Variants in SFMBT2 observed in about 807,000 individuals in gnomAD.
The protein encoded by SFMBT2 is Scm like with four mbt domains 2, also known as scm-like with four MBT domains protein 2.
Under a neutral mutation model 110.1 loss-of-function variants are expected in SFMBT2, and 38 were observed. The observed-to-expected ratio is 0.35, with a 90% confidence interval of 0.27 to 0.45. The LOEUF is 0.45. SFMBT2 is among the 20% of genes least tolerant of loss of function. The probability of loss-of-function intolerance (pLI) is 1.00; values close to 1 mark genes in which losing one functional copy is unlikely to be tolerated. For synonymous variants in SFMBT2, 425 were observed against 425.4 expected (o/e 1.00, Z 0.01); for missense variants, 1,011 against 1,094.9 (o/e 0.92, Z 1.08).
At chr10:7,213,545 C>T (rs755461554) in intron 11 of SFMBT2, among the ~76,000 whole-genome samples, 2 of 152,298 alleles carry the variant, frequency 1.3e-5, no homozygotes, top group East Asian at 1.9e-4. Flanking sequence ...GGGTGAATAA[C>T]GGCATCATTC....
In SFMBT2 at chr10:7,360,193, C is replaced by T. The variant is rs1039681124; in HGVS notation, c.436+7456G>A. 3.3e-5 allele frequency among the ~76,000 whole-genome samples: 5 copies of T among 152,114 alleles called. No individual in the cohort carries two copies. The East Asian group carries it at 9.6e-4, about 29-fold the overall frequency. ...ACCAAAGAGAGTGTGTGGGGCCAGG[C>T]ACACTGGCTCACGCCTGTAACCCCA... On this transcript the variant is annotated intron_variant, in intron 4 of 20. Coordinates refer to ENST00000397167, the MANE Select transcript of SFMBT2 (RefSeq NM_001387889.1).
chr10:7,392,320 G>C (rs1351479444), intron 1 of SFMBT2, among the ~76,000 whole-genome samples: 1 of 152,162 alleles, frequency 6.6e-6, no homozygotes, highest in Non-Finnish European at 1.5e-5. Flanking sequence ...TTCAAGACCA[G>C]CCTGGGCAAC....
intron 1 of SFMBT2, among the ~76,000 whole-genome samples, chr10:7,392,778 T>A (rs932697519): frequency 2.0e-5 from 3 of 151,694 alleles, no homozygotes; most frequent in Non-Finnish European, 4.4e-5. Flanking sequence ...TTGTAAAAGG[T>A]CTTCCCCTAC....
chr10:7,364,320 T>C (rs1844822519), intron 4 of SFMBT2, among the ~76,000 whole-genome samples: 1 of 152,242 alleles, frequency 6.6e-6, no homozygotes. Flanking sequence ...CCATCACATT[T>C]ATGGTTTCCC....
chr10:7,363,975 G>A (rs1030520715), intron 4 of SFMBT2, among the ~76,000 whole-genome samples: 2 of 151,940 alleles, frequency 1.3e-5, no homozygotes, highest in East Asian at 1.9e-4. Context: ...AGCAAAGATC[G>A]ACCAGGTATG....
At chr10:7,356,186 G>C (rs1381439184) in intron 4 of SFMBT2, among the ~76,000 whole-genome samples, 1 of 152,180 alleles carries the variant, frequency 6.6e-6, no homozygotes, top group Non-Finnish European at 1.5e-5. Context: ...ACACATGGTT[G>C]TCTGTGCATG....
At chr10:7,197,468 T>A in intron 15 of SFMBT2, 80 bp downstream of exon 15, 1 of 1,554,576 alleles carries the variant, frequency 6.4e-7, no homozygotes, top group Non-Finnish European at 8.7e-7. Context: ...CAATGCCTAT[T>A]CCCTCCTTCA....
chr10:7,343,181 A>G (rs1362179779), intron 4 of SFMBT2, among the ~76,000 whole-genome samples: 1 of 150,960 alleles, frequency 6.6e-6, no homozygotes, highest in Non-Finnish European at 1.5e-5. Flanking sequence ...GATGGCCTCC[A>G]GGGACATACA....
chr10:7,389,239 G>A (rs1845704478), intron 1 of SFMBT2, among the ~76,000 whole-genome samples: 1 of 152,022 alleles, frequency 6.6e-6, no homozygotes, highest in Non-Finnish European at 1.5e-5. Context: ...GATGTTTTTG[G>A]GGGGTTAGAG....
chr10:7,170,933 C>T lies in SFMBT2; in HGVS notation c.2539G>A (p.Glu847Lys). Reference protein sequence around the residue: ...DCAPLAKIFQEQDIDGQALLL... With the variant: ...DCAPLAKIFQKQDIDGQALLL... ...ACACGCGGCAACCACCGTACCTGCT[C>T]CTGAAATATCTTGGCCAAGGGGGCA... The change falls in exon 20 of 21, where the codon GAG (glutamate) becomes AAG (lysine). Residue 847 changes from glutamate to lysine, a missense_variant. Transcript: ENST00000397167. This position sits in a 1 kb window ranked among gnomAD's most constrained non-coding sequence, Gnocchi z 4.6. 6.2e-7 allele frequency: 1 copy of T among 1,614,208 alleles called. No individual in the cohort carries two copies. The highest frequency in any genetic ancestry group is 8.5e-7 in the Non-Finnish European group (1 of 1,180,024).
chr10:7,341,824 G>A (rs1843913862), intron 4 of SFMBT2, among the ~76,000 whole-genome samples: 1 of 152,182 alleles, frequency 6.6e-6, no homozygotes, highest in Admixed American at 6.5e-5. Flanking sequence ...CTGAAGTCGG[G>A]TAACGAGCAT....
intron 4 of SFMBT2, among the ~76,000 whole-genome samples, chr10:7,329,841 A>G (rs1843512291): frequency 6.6e-6 from 1 of 152,170 alleles, no homozygotes; most frequent in Non-Finnish European, 1.5e-5. Flanking sequence ...TCAGCCTTGG[A>G]AGTCACCCGA....
chr10:7,247,094 T>C (rs1840641236), intron 8 of SFMBT2, among the ~76,000 whole-genome samples: 1 of 152,174 alleles, frequency 6.6e-6, no homozygotes, highest in South Asian at 2.1e-4. Flanking sequence ...ACCTTAAATA[T>C]TTAAAGTTTC....
chr10:7,231,070 ACT>A (rs1291426907), intron 9 of SFMBT2, among the ~76,000 whole-genome samples: 1 of 151,964 alleles, frequency 6.6e-6, no homozygotes, highest in African/African-American at 2.4e-5. Context: ...TTTTCCCCCA[ACT>A]CTCTGTGGTT....
intron 16 of SFMBT2, among the ~76,000 whole-genome samples, chr10:7,183,855 G>A (rs1838317417): frequency 6.6e-6 from 1 of 152,170 alleles, no homozygotes; most frequent in Non-Finnish European, 1.5e-5. Context: ...TACTGAGTTG[G>A]ATACAGAATC....
At chr10:7,188,545 C>T in intron 16 of SFMBT2, 79 bp downstream of exon 16, 2 of 1,122,686 alleles carry the variant, frequency 1.8e-6, no homozygotes, top group Non-Finnish European at 2.6e-6. Flanking sequence ...GGCTGTGTCA[C>T]AAAGAGAAGT....
chr10:7,383,090 G>A (rs552041817), intron 1 of SFMBT2, among the ~76,000 whole-genome samples: 1 of 152,334 alleles, frequency 6.6e-6, no homozygotes, highest in African/African-American at 2.4e-5. Flanking sequence ...CAACAGGAAA[G>A]TAGAGATGAA....
At chr10:7,271,014 G>A (rs1841560202) in intron 7 of SFMBT2, among the ~76,000 whole-genome samples, 1 of 152,128 alleles carries the variant, frequency 6.6e-6, no homozygotes, top group Non-Finnish European at 1.5e-5. Flanking sequence ...GCCAGGCATG[G>A]TGGCTCACGC....
chr10:7,204,681 C>T (rs1369029358), intron 12 of SFMBT2: 1 of 212,942 alleles, frequency 4.7e-6, no homozygotes, highest in African/African-American at 2.4e-5. Context: ...CGAGACAAGC[C>T]TGACCAACAT....
Sources: allele counts gnomAD v4.1 joint callset (sites outside exome capture counted in the v4.1 genomes callset), GRCh38; gene constraint gnomAD v4.1.1; non-coding constraint Gnocchi (gnomAD v3.1); transcripts MANE v1.5; gene names NCBI Gene and HGNC (gene_info 2026-07-23, HGNC 2026-07-21).